PTPN7: variants seen among roughly 807,000 people sequenced by gnomAD.
The protein encoded by PTPN7 is protein tyrosine phosphatase non-receptor type 7.
PTPN7 carries 33 observed loss-of-function variants against 50.3 expected under a neutral mutation model. The observed-to-expected ratio is 0.66, with a 90% confidence interval of 0.50 to 0.88. The LOEUF is 0.88. PTPN7 is among the 40% of genes least tolerant of loss of function. The probability of loss-of-function intolerance (pLI) is 0.00; values close to 1 mark genes in which losing one functional copy is unlikely to be tolerated. For synonymous variants in PTPN7, 185 were observed against 186.6 expected, an observed-to-expected ratio of 0.99 and a Z score of 0.07; for missense variants, 412 against 475.4, an observed-to-expected ratio of 0.87 and a Z score of 1.24.
At chr1:202,150,139 A>G in intron 9 of PTPN7, 172 bp downstream of exon 9, 1 of 593,564 alleles carries the variant, frequency 1.7e-6, no homozygotes, top group Non-Finnish European at 3.0e-6. Flanking sequence ...GGCCATCCAG[A>G]TAGATATTTT....
rs995307967 is a variant in PTPN7 at position 202,159,165 on chromosome 1, A to G, written c.122+116T>C. 1 of 1,018,266 alleles carries G rather than the reference A, an allele frequency of 9.8e-7. No individual in the cohort carries two copies. Among genetic ancestry groups the G allele is most frequent in the African/African-American group, 1.6e-5 (1 of 62,066 alleles). The allele number at this position is 1,018,266 out of a possible 1,614,324, so 63.1% of individuals were successfully genotyped here. A position where few individuals can be genotyped will look rare whatever the true frequency, so the allele number is the denominator to read the frequency against. On this transcript the variant is annotated intron_variant, in intron 2 of 9. Transcript: ENST00000691036. The surrounding 1 kb of genome is among the most constrained non-coding windows in gnomAD (Gnocchi z 4.6). ...CTGGTTTCCTTTCCAAATTGGAGTC[A>G]ACAACTGAGGGCCCTCTGGACCCTG...
upstream of PTPN7, chr1:202,161,421 G>C: frequency 7.8e-7 from 1 of 1,288,250 alleles, no homozygotes; most frequent in Non-Finnish European, 1.0e-6. Flanking sequence ...CACACCAGGG[G>C]ACTCCCATGT....
chr1:202,159,385 C>A lies in PTPN7; in HGVS notation c.18G>T (p.Gly6=). 6.2e-7 allele frequency: 1 copy of A among 1,614,214 alleles called. No individual in the cohort carries two copies. ...TCAACGGCTGTGCTCTGGAGCGCCC[C>A]CCATGGGCTTGGACCATGCTGAGGT... MVQAH[G]GRSRAQPLTL... The change falls in exon 2 of 10, where the codon GGG becomes GGT. Residue 6 remains glycine, a synonymous_variant. Transcript: ENST00000691036. The surrounding 1 kb of genome is among the most constrained non-coding windows in gnomAD (Gnocchi z 4.6).
Position 202,148,513 on chromosome 1 carries a change from G to T in PTPN7, c.*93C>A. On this transcript the variant is annotated 3_prime_UTR_variant, in exon 10 of 10. Coordinates refer to ENST00000691036, the MANE Select transcript of PTPN7 (RefSeq NM_002832.4). ...CACTCCTTCCCCACACCAACCCAAG[G>T]GGTACCCCCAGATCACTCGGCCCAC... The T allele has an allele frequency of 1.7e-6, 2 of 1,168,476 alleles. No individual in the cohort carries two copies. Among genetic ancestry groups the T allele is most frequent in the East Asian group, 2.5e-5 (1 of 40,468 alleles). 72.4% of individuals were successfully genotyped at this position (1,168,476 alleles called of 1,614,324 possible). A position where few individuals can be genotyped will look rare whatever the true frequency, so the allele number is the denominator to read the frequency against.
Position 202,159,469 on chromosome 1 carries a change from C to T in PTPN7, c.-52-15G>A. On this transcript the variant is annotated splice_polypyrimidine_tract_variant and intron_variant, in intron 1 of 9. Coordinates refer to ENST00000691036, the MANE Select transcript of PTPN7 (RefSeq NM_002832.4). The surrounding 1 kb of genome is among the most constrained non-coding windows in gnomAD (Gnocchi z 4.6). Reference sequence around the variant, plus strand: ...ATGAGGTCTGCCTGAAAGACAGGGCCCTCCGCTGCTGTTCTCTGGCCTGCC... The same window carrying T: ...ATGAGGTCTGCCTGAAAGACAGGGCTCTCCGCTGCTGTTCTCTGGCCTGCC... 6.2e-7 allele frequency: 1 copy of T among 1,607,850 alleles called. No homozygotes were observed. The highest frequency in any genetic ancestry group is 8.5e-7 in the Non-Finnish European group (1 of 1,175,180).
At chr1:202,160,606 T>C, upstream of PTPN7, 2 of 1,550,536 alleles carry the variant, frequency 1.3e-6, no homozygotes, top group South Asian at 2.4e-5. The surrounding 1 kb of genome is among the most constrained non-coding windows in gnomAD (Gnocchi z 4.8). Flanking sequence ...TCGGTCTGTC[T>C]TTGAGGGCTG....
intron 9 of PTPN7, 190 bp downstream of exon 9, chr1:202,150,121 C>T (rs1655805493): frequency 1.9e-6 from 1 of 539,536 alleles, no homozygotes; most frequent in East Asian, 3.2e-5. Flanking sequence ...GTGTGAGCCA[C>T]CGCACCCGGC....
intron 5 of PTPN7, among the ~76,000 whole-genome samples, chr1:202,154,564 TC>T (rs1656433487): frequency 6.6e-6 from 1 of 151,616 alleles, no homozygotes; most frequent in Non-Finnish European, 1.5e-5. Flanking sequence ...TTACCTAGCC[TC>T]CGTAAGCCTC....
chr1:202,150,229 T>C (rs1441776534), intron 9 of PTPN7, 82 bp downstream of exon 9: 9 of 1,060,554 alleles, frequency 8.5e-6, no homozygotes, highest in Non-Finnish European at 1.3e-5. Flanking sequence ...TTGATGGTGA[T>C]GGGCCTAGCA....
At chr1:202,150,458 T>A in intron 8 of PTPN7, 34 bp from the exon 9 acceptor site, 9 of 1,540,238 alleles carry the variant, frequency 5.8e-6, no homozygotes, top group Non-Finnish European at 8.0e-6. Context: ...AGGGAGGTCA[T>A]GGGAGACCAG....
At chr1:202,151,950 GCT>G in intron 8 of PTPN7, among the ~76,000 whole-genome samples, 1 of 152,056 alleles carries the variant, frequency 6.6e-6, no homozygotes, top group South Asian at 2.1e-4. Flanking sequence ...ATGGAGTCTC[GCT>G]CTGTCACCCA....
At chr1:202,161,210 T>A (rs1557983437), upstream of PTPN7, 1 of 1,110,688 alleles carries the variant, frequency 9.0e-7, no homozygotes, top group Non-Finnish European at 1.1e-6. Context: ...AAAAAGGTCG[T>A]CTCCACGCCT....
chr1:202,156,982 T>A (rs1656735879), intron 4 of PTPN7, among the ~76,000 whole-genome samples: 2 of 152,210 alleles, frequency 1.3e-5, no homozygotes, highest in Non-Finnish European at 2.9e-5. Flanking sequence ...CCTGTCTCCA[T>A]CTGACTTTCT....
At chr1:202,161,333 T>A, upstream of PTPN7, 1 of 1,187,096 alleles carries the variant, frequency 8.4e-7, no homozygotes, top group Middle Eastern at 2.6e-4. Flanking sequence ...CCCTGGGCCC[T>A]CAGCCCCCTG....
intron 2 of PTPN7, 148 bp from the exon 3 acceptor site, chr1:202,158,449 C>T (rs1656941136): frequency 1.3e-6 from 1 of 782,172 alleles, no homozygotes; most frequent in Non-Finnish European, 2.0e-6. Context: ...CAGCCTCAAA[C>T]TCCTGGGCTG....
At chr1:202,154,129 G>T (rs1656368739) in intron 6 of PTPN7, 57 bp downstream of exon 6, 2 of 1,606,762 alleles carry the variant, frequency 1.2e-6, no homozygotes, top group African/African-American at 2.7e-5. Flanking sequence ...GTGGGGTGGG[G>T]GTGGGGTGGG....
At position 202,150,307 on chromosome 1, in the gene PTPN7, C is replaced by G. The variant is rs1450039451; in HGVS notation, c.989+4G>C. The G allele has an allele frequency of 1.9e-6, 3 of 1,606,388 alleles. No individual in the cohort carries two copies. Among genetic ancestry groups the G allele is most frequent in the Non-Finnish European group, 2.6e-6 (3 of 1,175,656 alleles). ...GTTGGCCTTGTTTACACCCACAGAC[C>G]CACCTGTCTAGCCGCAGTTGGCACA... On this transcript the variant is annotated splice_donor_region_variant and intron_variant, in intron 9 of 9. Coordinates refer to ENST00000691036, the MANE Select transcript of PTPN7 (RefSeq NM_002832.4).
At chr1:202,150,701 G>A (rs1356000270) in intron 8 of PTPN7, among the ~76,000 whole-genome samples, 3 of 152,126 alleles carry the variant, frequency 2.0e-5, no homozygotes, top group South Asian at 4.1e-4. Flanking sequence ...ACATTTTGAC[G>A]ATCTCCCTTC....
intron 3 of PTPN7, 146 bp from the exon 4 acceptor site, chr1:202,157,969 TG>T (rs1332190533): frequency 1.6e-6 from 2 of 1,223,784 alleles, no homozygotes; most frequent in African/African-American, 1.5e-5. Flanking sequence ...AGGGGAAGCC[TG>T]GGGGCAGCCC....
Sources: allele counts gnomAD v4.1 joint callset (sites outside exome capture counted in the v4.1 genomes callset), GRCh38; gene constraint gnomAD v4.1.1; non-coding constraint Gnocchi (gnomAD v3.1); transcripts MANE v1.5; gene names NCBI Gene and HGNC (gene_info 2026-07-23, HGNC 2026-07-21).